Variants in GOLGA8M observed in about 807,000 individuals in gnomAD.
GOLGA8M encodes golgin subfamily A member 8M.
A neutral mutation model predicts 87.7 loss-of-function variants in GOLGA8M; 34 were observed. That is an observed-to-expected ratio of 0.39 (90% CI 0.29 to 0.52). The LOEUF is 0.52. GOLGA8M is among the 20% of genes least tolerant of loss of function. The probability of loss-of-function intolerance (pLI) is 0.80; values close to 1 mark genes in which losing one functional copy is unlikely to be tolerated. For missense variants in GOLGA8M, 396 were observed against 682.2 expected, an observed-to-expected ratio of 0.58 and a Z score of 4.67; for synonymous variants, 138 against 250.2, an observed-to-expected ratio of 0.55 and a Z score of 4.23.
chr15:28,704,806 C>T (rs993468040), intron 13 of GOLGA8M, among the ~76,000 whole-genome samples: 2 of 145,510 alleles, frequency 1.4e-5, no homozygotes, highest in African/African-American at 2.6e-5. Flanking sequence ...AGGCTGATCT[C>T]AAACTCCCGA....
chr15:28,706,565 C>G, intron 9 of GOLGA8M, 48 bp downstream of exon 9: 7 of 1,219,480 alleles, frequency 5.7e-6, no homozygotes, highest in Non-Finnish European at 5.9e-6. Context: ...CTGCTCCTGG[C>G]CACCTGGGGT....
chr15:28,708,087 C>A (rs778610491), intron 6 of GOLGA8M, 39 bp downstream of exon 6: 34 of 1,607,420 alleles, frequency 2.1e-5, no homozygotes, highest in Non-Finnish European at 2.9e-5. Flanking sequence ...AAGAAACATT[C>A]TCCGGAGGAC....
In GOLGA8M at chr15:28,704,063, C is replaced by G. The variant is rs2079924588; in HGVS notation, c.1201-146G>C. 2.0e-5 allele frequency: 31 copies of G among 1,535,910 alleles called. 1 individual carries two copies. In the South Asian group the frequency reaches 3.4e-4, roughly 17 times the overall value. ...CCGCTTTGCCTCAAGCTTCCTGCTA[C>G]TGCAGCTGGTTCATTAGCTGGGTCT... On this transcript the variant is annotated intron_variant, in intron 13 of 18. Transcript: ENST00000563027.
In GOLGA8M at chr15:28,698,885, C is replaced by T. The variant is rs1274938614; in HGVS notation, c.*3069G>A. On this transcript the variant is annotated 3_prime_UTR_variant, in exon 19 of 19. Transcript: ENST00000563027. ...ATTACACATTCTGTTTATAATAATTCATAAACTGGTAAAATTCATTCTAAG... is the reference window on the plus strand; with the variant it reads ...ATTACACATTCTGTTTATAATAATTTATAAACTGGTAAAATTCATTCTAAG... Among the ~76,000 whole-genome samples, 2 of 142,714 alleles carry T rather than the reference C, an allele frequency of 1.4e-5. No individual in the cohort carries two copies. The highest frequency in any genetic ancestry group is 3.0e-5 in the Non-Finnish European group (2 of 67,634). 93.6% of individuals were successfully genotyped at this position (142,714 alleles called of 152,430 possible). A position where few individuals can be genotyped will look rare whatever the true frequency, so the allele number is the denominator to read the frequency against.
Position 28,701,670 on chromosome 15 carries a change from T to C in GOLGA8M, c.*284A>G, listed in dbSNP as rs1199148436. Among the ~76,000 whole-genome samples the C allele has an allele frequency of 8.4e-4, 127 of 151,830 alleles. No homozygotes were observed. The highest frequency in any genetic ancestry group is 1.5e-3 in the African/African-American group (63 of 41,430). On this transcript the variant is annotated 3_prime_UTR_variant, in exon 19 of 19. Coordinates refer to ENST00000563027, the MANE Select transcript of GOLGA8M (RefSeq NM_001282468.3). ...GAGTGGGTCTTTGTGTGTTTGAACT[T>C]CCACCACGTAAGGGCAAACTCGATA...
At chr15:28,702,161 C>T (rs77036138) in intron 18 of GOLGA8M, 32 bp from the exon 19 acceptor site, 53,999 of 1,573,220 alleles carry the variant, frequency 0.034, 2,359 homozygotes, top group African/African-American at 0.13. Context: ...GATCTGAGCA[C>T]AGTGGGAGCC....
rs762472302 is a variant in GOLGA8M, at chr15:28,705,194, G to A, written c.1165C>T (p.Gln389Ter). ...NENKSTLQLE[Q>*]QVKELQEKLG... is the part of the protein sequence containing the mutation. ...TTCTCCTGTAGCTCCTTTACTTGCT[G>A]CTCCAACTGCAGTGTGCTCTTGTTC... The change falls in exon 13 of 19, where the codon CAG (glutamine) becomes TAG (stop). Residue 389 changes from glutamine (Q) to a stop codon, truncating the protein, a stop_gained. Transcript: ENST00000563027. LOFTEE classifies it high-confidence loss of function. The A allele has an allele frequency of 5.0e-6, 8 of 1,598,150 alleles. No homozygotes were observed. The highest frequency in any genetic ancestry group is 5.9e-6 in the Non-Finnish European group (7 of 1,179,786).
chr15:28,712,662 T>G (rs1426694233), upstream of GOLGA8M, among the ~76,000 whole-genome samples: 1 of 151,910 alleles, frequency 6.6e-6, no homozygotes, highest in African/African-American at 2.4e-5. Flanking sequence ...AGCTTTTGCT[T>G]TAACAGCTTT....
At chr15:28,710,761 AG>A (rs1465199970) in intron 1 of GOLGA8M, among the ~76,000 whole-genome samples, 155 bp from the exon 2 acceptor site, 1 of 150,480 alleles carries the variant, frequency 6.6e-6, no homozygotes, top group African/African-American at 2.4e-5. Flanking sequence ...GTGACTGAGA[AG>A]GATTGATATC....
rs1205591037 is a variant in GOLGA8M at position 28,701,025 on chromosome 15, G to C, written c.*929C>G. Among the ~76,000 whole-genome samples, 1 of 152,136 alleles carries C rather than the reference G, an allele frequency of 6.6e-6. No individual in the cohort carries two copies. Among genetic ancestry groups the C allele is most frequent in the African/African-American group, 2.4e-5 (1 of 41,432 alleles). ...ACATGTAGTCATGCGATTAAAACAGGTAACATGAACTCTGACTTTAAAATG... is the reference window on the plus strand; with the variant it reads ...ACATGTAGTCATGCGATTAAAACAGCTAACATGAACTCTGACTTTAAAATG... On this transcript the variant is annotated 3_prime_UTR_variant, in exon 19 of 19. Transcript: ENST00000563027.
chr15:28,712,731 A>G (rs183530290), upstream of GOLGA8M, among the ~76,000 whole-genome samples: 2 of 152,224 alleles, frequency 1.3e-5, no homozygotes, highest in Non-Finnish European at 2.9e-5. Context: ...GTGTGTGCGT[A>G]TCTATGTTTT....
Position 28,708,127 on chromosome 15 carries a change from T to C in GOLGA8M, c.395A>G (p.Glu132Gly), listed in dbSNP as rs2080093596. ...GGAAACTGCACACCCTCCACTCACC[T>C]CTAGCACCCTTTTGGCTTTCTGTTT... is the stretch of plus-strand genomic sequence containing the variant. ...NKKQKAKRVL[E>G]VQLQTLNIQK... The change falls in exon 6 of 19, where the codon GAG becomes GGG. Residue 132 changes from glutamate to glycine, a missense_variant and splice_region_variant. This residue lies in a region of GOLGA8M where 80 missense variants were observed against 119.9 expected (regional missense o/e 0.67). Coordinates refer to ENST00000563027, the MANE Select transcript of GOLGA8M (RefSeq NM_001282468.3). 3 of 1,598,096 alleles carry C rather than the reference T, an allele frequency of 1.9e-6. No individual in the cohort carries two copies. In the Admixed American group the frequency reaches 5.2e-5, roughly 28 times the overall value.
At chr15:28,708,104 A>C (rs2080092350) in intron 6 of GOLGA8M, 22 bp downstream of exon 6, 1 of 1,604,288 alleles carries the variant, frequency 6.2e-7, no homozygotes, top group Non-Finnish European at 8.5e-7. Context: ...GGACAGGAGG[A>C]AACTGCACAC....
chr15:28,708,880 T>C (rs1335675314), intron 4 of GOLGA8M, among the ~76,000 whole-genome samples: 3 of 144,358 alleles, frequency 2.1e-5, no homozygotes, highest in Non-Finnish European at 3.0e-5. Flanking sequence ...AGACCTTTGA[T>C]ACTCACTACC....
Position 28,705,159 on chromosome 15 carries a change from C to T in GOLGA8M, c.1200G>A (p.Glu400=). Residue 400 remains glutamate (E), a splice_region_variant and synonymous_variant, in exon 13 of 19, where the codon GAG becomes GAA. Transcript: ENST00000563027. ...GGGTGGAGGTTTCCGACTCCTTCACCTCGCCAAGCTTCTCCTGTAGCTCCT... is the reference window on the plus strand; with the variant it reads ...GGGTGGAGGTTTCCGACTCCTTCACTTCGCCAAGCTTCTCCTGTAGCTCCT... The part of the protein sequence containing the change: ...QVKELQEKLG[E]EHLEAASQQN... The T allele has an allele frequency of 6.3e-7, 1 of 1,598,442 alleles. No homozygotes were observed. The highest frequency in any genetic ancestry group is 8.5e-7 in the Non-Finnish European group (1 of 1,179,782).
At position 28,700,621 on chromosome 15, in the gene GOLGA8M, T is replaced by A. The variant is rs566946120; in HGVS notation, c.*1333A>T. 2.0e-5 allele frequency among the ~76,000 whole-genome samples: 3 copies of A among 147,216 alleles called. No individual in the cohort carries two copies. The East Asian group carries it at 6.0e-4, about 29-fold the overall frequency. ...ACTTCTCCTTGATTTTCAAAGATAGTATAATACCGTCTACTAAAACTCCTT... is the reference window on the plus strand; with the variant it reads ...ACTTCTCCTTGATTTTCAAAGATAGAATAATACCGTCTACTAAAACTCCTT... On this transcript the variant is annotated 3_prime_UTR_variant, in exon 19 of 19. Coordinates refer to ENST00000563027, the MANE Select transcript of GOLGA8M (RefSeq NM_001282468.3).
chr15:28,711,789 G>T (rs1408702489), intron 1 of GOLGA8M: 2 of 983,306 alleles, frequency 2.0e-6, no homozygotes, highest in Non-Finnish European at 2.4e-6. Flanking sequence ...CTCCACGATG[G>T]GGGAGGGAAG....
At position 28,701,952 on chromosome 15, in the gene GOLGA8M, G is replaced by A; in HGVS notation, c.*2C>T. On this transcript the variant is annotated 3_prime_UTR_variant, in exon 19 of 19. Coordinates refer to ENST00000563027, the MANE Select transcript of GOLGA8M (RefSeq NM_001282468.3). ...TGAGCAGCTCTTTGAGGATGGTGAT[G>A]TTTATCTCCTTCTTCTTGGCAGCCA... 3 of 1,599,272 alleles carry A rather than the reference G, an allele frequency of 1.9e-6. No homozygotes were observed. The highest frequency in any genetic ancestry group is 2.5e-6 in the Non-Finnish European group (3 of 1,179,732).
chr15:28,706,726 A>C (rs993189204), intron 8 of GOLGA8M, 27 bp from the exon 9 acceptor site: 1 of 1,444,896 alleles, frequency 6.9e-7, no homozygotes, highest in African/African-American at 1.5e-5. Context: ...GAGAAGTTTC[A>C]ATCTGGAGAG....
Sources: gnomAD v4.1 joint callset for allele counts (sites outside exome capture counted in the v4.1 genomes callset) on GRCh38, gnomAD v4.1.1 for gene constraint, gnomAD v4.1.1 regional missense constraint, MANE v1.5 for transcripts, NCBI Gene and HGNC (gene_info 2026-07-23, HGNC 2026-07-21) for gene names.